Variants in MLIP observed in about 807,000 individuals in gnomAD.
MLIP encodes muscular LMNA-interacting protein.
MLIP carries 79 observed loss-of-function variants against 84.8 expected under a neutral mutation model. That is an observed-to-expected ratio of 0.93 (90% CI 0.78 to 1.12). MLIP has a LOEUF of 1.12. Among genes scored for constraint, MLIP ranks in the 50% most tolerant of loss-of-function variants. MLIP has a pLI of 0.00. For synonymous variants in MLIP, 504 were observed against 463.0 expected (o/e 1.09, Z -1.14); for missense variants, 1,257 against 1,160.6 (o/e 1.08, Z -1.21).
chr6:54,233,767 G>A (rs1181697775), intron 12 of MLIP, among the ~76,000 whole-genome samples: 2 of 152,152 alleles, frequency 1.3e-5, no homozygotes, highest in East Asian at 3.9e-4. Flanking sequence ...TTGAGGAATA[G>A]CCTTACTGTC....
intron 8 of MLIP, among the ~76,000 whole-genome samples, chr6:54,168,155 A>G (rs544261365): frequency 1.3e-5 from 2 of 152,014 alleles, no homozygotes; most frequent in African/African-American, 2.4e-5. Context: ...TTTCTATCCA[A>G]CATTCTCAGA....
chr6:54,138,085 C>G lies in MLIP; in HGVS notation c.2016C>G (p.Pro672=). 6.5e-7 allele frequency: 1 copy of G among 1,536,098 alleles called. No homozygotes were observed. The highest frequency in any genetic ancestry group is 8.7e-7 in the Non-Finnish European group (1 of 1,146,886). Residue 672 remains proline, a synonymous_variant, in exon 4 of 14, where the codon CCC becomes CCG. Coordinates refer to ENST00000502396, the MANE Select transcript of MLIP (RefSeq NM_001281747.2). ...LPHANLPTLV[P]QLSPSALHPH... Reference sequence around the variant, plus strand: ...ATGCCAATCTGCCCACCCTGGTGCCCCAGCTCAGTCCCTCAGCTCTGCACC... The same window carrying G: ...ATGCCAATCTGCCCACCCTGGTGCCGCAGCTCAGTCCCTCAGCTCTGCACC...
chr6:54,148,393 A>C (rs952690430), intron 4 of MLIP, among the ~76,000 whole-genome samples: 1 of 152,176 alleles, frequency 6.6e-6, no homozygotes, highest in African/African-American at 2.4e-5. Flanking sequence ...ACACTTAGGA[A>C]ATTTTAACAT....
At chr6:54,234,439 G>A (rs144318105) in intron 12 of MLIP, among the ~76,000 whole-genome samples, 148 of 152,102 alleles carry the variant, frequency 9.7e-4, no homozygotes, top group South Asian at 1.7e-3. Flanking sequence ...CTCCAAAATC[G>A]TCCATTCTTC....
intron 1 of MLIP, among the ~76,000 whole-genome samples, chr6:54,095,652 C>G (rs965825013): frequency 5.3e-5 from 8 of 152,052 alleles, no homozygotes; most frequent in African/African-American, 1.2e-4. Context: ...TTTCTATTGA[C>G]CCCTCAACAA....
intron 1 of MLIP, among the ~76,000 whole-genome samples, chr6:54,050,090 G>T (rs1421309460): frequency 6.6e-6 from 1 of 151,986 alleles, no homozygotes; most frequent in African/African-American, 2.4e-5. Flanking sequence ...TCCATTCATT[G>T]ATTTATTCAT....
chr6:54,256,635 T>C (rs978071145), intron 12 of MLIP, among the ~76,000 whole-genome samples: 4 of 152,152 alleles, frequency 2.6e-5, no homozygotes, highest in Admixed American at 2.6e-4. Flanking sequence ...TTGATGACTT[T>C]CTTCTATCTT....
At chr6:54,118,049 T>G (rs945878959) in intron 1 of MLIP, among the ~76,000 whole-genome samples, 1 of 152,184 alleles carries the variant, frequency 6.6e-6, no homozygotes, top group African/African-American at 2.4e-5. Context: ...AAAGATATAC[T>G]GTGTTCATGA....
chr6:54,097,528 G>T (rs373495277), intron 1 of MLIP, among the ~76,000 whole-genome samples: 5 of 152,238 alleles, frequency 3.3e-5, no homozygotes, highest in African/African-American at 1.2e-4. Flanking sequence ...CACTCAGATG[G>T]TGGAAACAAG....
At chr6:54,076,402 C>T (rs1766805524) in intron 1 of MLIP, among the ~76,000 whole-genome samples, 1 of 152,170 alleles carries the variant, frequency 6.6e-6, no homozygotes, top group Non-Finnish European at 1.5e-5. Flanking sequence ...TACACAGAGT[C>T]TCATTTGGTA....
chr6:54,256,045 T>A (rs1434906828), intron 12 of MLIP, among the ~76,000 whole-genome samples: 8 of 152,136 alleles, frequency 5.3e-5, no homozygotes, highest in Non-Finnish European at 1.2e-4. Flanking sequence ...CTTCCTGGAA[T>A]TCTATTTAGA....
Position 54,138,108 on chromosome 6 carries a change from A to C in MLIP, c.2039A>C (p.His680Pro). The C allele has an allele frequency of 6.5e-7, 1 of 1,536,050 alleles. No homozygotes were observed. The highest frequency in any genetic ancestry group is 8.7e-7 in the Non-Finnish European group (1 of 1,146,874). ...CCCCAGCTCAGTCCCTCAGCTCTGC[A>C]CCCACATTGCGGCAGTGGTACCTTG... ...LVPQLSPSAL[H>P]PHCGSGTLPS... The change falls in exon 4 of 14, where the codon CAC becomes CCC. Residue 680 changes from histidine (H) to proline (P), a missense_variant. By Grantham distance (77) the His-to-Pro change is moderately conservative. Coordinates refer to ENST00000502396, the MANE Select transcript of MLIP (RefSeq NM_001281747.2).
intron 4 of MLIP, among the ~76,000 whole-genome samples, chr6:54,144,151 T>A (rs1017633424): frequency 1.3e-5 from 2 of 152,154 alleles, no homozygotes; most frequent in African/African-American, 4.8e-5. Context: ...TATAAGGAAG[T>A]GTCTGGGCAA....
upstream of MLIP, among the ~76,000 whole-genome samples, chr6:54,109,899 C>A (rs1168062572): frequency 7.0e-6 from 1 of 143,456 alleles, no homozygotes; most frequent in Non-Finnish European, 1.5e-5. Context: ...GCTTTCTTTT[C>A]TTTCTTTCTT....
chr6:54,022,151 C>G (rs1047582026), intron 1 of MLIP, among the ~76,000 whole-genome samples: 2 of 152,104 alleles, frequency 1.3e-5, no homozygotes, highest in African/African-American at 4.8e-5. Flanking sequence ...AAATGCTTCC[C>G]AAAATGTAGT....
intron 1 of MLIP, among the ~76,000 whole-genome samples, chr6:54,063,974 CCTGCTTGAGAAA>C (rs1766128346): frequency 6.5e-5 from 3 of 46,104 alleles, no homozygotes; most frequent in East Asian, 7.0e-4. Context: ...ACAAGTTAAA[CCTGCTTGAGAAA>C]TTATTCTTGT....
chr6:54,051,693 C>A (rs555075296), intron 1 of MLIP, among the ~76,000 whole-genome samples: 107 of 152,182 alleles, frequency 7.0e-4, no homozygotes, highest in Admixed American at 2.3e-3. Flanking sequence ...GTGAGGAACA[C>A]TTTATCCTCT....
intron 5 of MLIP, among the ~76,000 whole-genome samples, chr6:54,150,557 G>A (rs1022597025): frequency 2.0e-5 from 3 of 152,194 alleles, no homozygotes; most frequent in Admixed American, 6.5e-5. Context: ...CTCTCCATCA[G>A]CAGTGAGGCA....
intron 11 of MLIP, among the ~76,000 whole-genome samples, chr6:54,213,734 A>AAAAAAAAAAAAAAAC (rs368508685): frequency 2.4e-5 from 2 of 82,364 alleles, no homozygotes; most frequent in Non-Finnish European, 4.7e-5. Context: ...AAAAAAAAAA[A>AAAAAAAAAAAAAAAC]AACAACAAAC....
Sources: allele counts gnomAD v4.1 joint callset (sites outside exome capture counted in the v4.1 genomes callset), GRCh38; gene constraint gnomAD v4.1.1; transcripts MANE v1.5; gene names NCBI Gene and HGNC (gene_info 2026-07-23, HGNC 2026-07-21).